Variants in EIF3E observed in about 807,000 individuals in gnomAD.
EIF3E encodes the protein eukaryotic translation initiation factor 3 subunit E.
EIF3E carries 25 observed loss-of-function variants against 59.3 expected under a neutral mutation model. That is an observed-to-expected ratio of 0.42 (90% CI 0.31 to 0.59). The LOEUF is 0.59. EIF3E is among the 20% of genes least tolerant of loss of function. The pLI is 0.15. For synonymous variants in EIF3E, 176 were observed against 170.2 expected, an observed-to-expected ratio of 1.03 and a Z score of -0.26; for missense variants, 317 against 534.3, an observed-to-expected ratio of 0.59 and a Z score of 4.01.
chr8:108,243,049 C>T (rs1204461914), intron 1 of EIF3E, among the ~76,000 whole-genome samples: 1 of 152,086 alleles, frequency 6.6e-6, no homozygotes, highest in South Asian at 2.1e-4. Flanking sequence ...TACACAGGAG[C>T]ACTATTTGTA....
In EIF3E at chr8:108,201,758, T is replaced by G. The variant is rs1814999459; in HGVS notation, c.*127A>C. 4 of 797,526 alleles carry G rather than the reference T, an allele frequency of 5.0e-6. No homozygotes were observed. The East Asian group carries it at 1.3e-4, about 26-fold the overall frequency. The allele number at this position is 797,526 out of a possible 1,614,324, so 49.4% of individuals were successfully genotyped here. On this transcript the variant is annotated 3_prime_UTR_variant, in exon 13 of 13. Coordinates refer to ENST00000220849, the MANE Select transcript of EIF3E (RefSeq NM_001568.3). ...GACAGCAAGATAAAATGAATCAATTTTATTCCAATTCTTCAAAATTTATAC... is the reference window on the plus strand; with the variant it reads ...GACAGCAAGATAAAATGAATCAATTGTATTCCAATTCTTCAAAATTTATAC...
intron 7 of EIF3E, among the ~76,000 whole-genome samples, chr8:108,219,655 T>G (rs1424891928): frequency 1.3e-5 from 2 of 150,682 alleles, no homozygotes; most frequent in African/African-American, 4.9e-5. Flanking sequence ...GTGAGAGGAC[T>G]GCTTGAGCCC....
intron 1 of EIF3E, among the ~76,000 whole-genome samples, chr8:108,247,834 T>C (rs916206871): frequency 1.3e-5 from 2 of 152,248 alleles, no homozygotes; most frequent in African/African-American, 4.8e-5. Context: ...GTCAATTTTC[T>C]TTTAGCCAAA....
intron 7 of EIF3E, among the ~76,000 whole-genome samples, chr8:108,222,095 T>A (rs1367271861): frequency 2.0e-5 from 3 of 152,064 alleles, no homozygotes; most frequent in Non-Finnish European, 4.4e-5. Flanking sequence ...TAGGCTGGAG[T>A]GCAGTGTTAC....
rs1315509381 is a variant in EIF3E at position 108,240,013 on chromosome 8, G to A, written c.268C>T (p.Pro90Ser). ...QLKQLQAETEPIVKMFEDPET... is the reference protein window; with the variant it reads ...QLKQLQAETESIVKMFEDPET... Reference sequence around the variant, plus strand: ...GGATCTTCAAACATCTTCACAATTGGTTCTGTTTCTGCCTGAAGCTGTTTC... The same window carrying A: ...GGATCTTCAAACATCTTCACAATTGATTCTGTTTCTGCCTGAAGCTGTTTC... Residue 90 changes from proline (P) to serine (S), a missense_variant, in exon 3 of 13, where the codon CCA becomes TCA. This residue lies in a region of EIF3E where 242 missense variants were observed against 398.0 expected (regional missense o/e 0.61). Transcript: ENST00000220849. 6.2e-7 allele frequency: 1 copy of A among 1,613,992 alleles called. No homozygotes were observed. Among genetic ancestry groups the A allele is most frequent in the South Asian group, 1.1e-5 (1 of 91,074 alleles).
At chr8:108,247,190 A>C (rs555839811) in intron 1 of EIF3E, among the ~76,000 whole-genome samples, 1 of 152,292 alleles carries the variant, frequency 6.6e-6, no homozygotes, top group Non-Finnish European at 1.5e-5. Context: ...CCCTATGAAA[A>C]TCTAATTCAC....
intron 1 of EIF3E, chr8:108,242,265 C>T: frequency 7.7e-7 from 1 of 1,292,506 alleles, no homozygotes; most frequent in South Asian, 1.2e-5. Flanking sequence ...TCCTGTAAAG[C>T]ACATATAGCT....
chr8:108,222,779 G>A (rs1210288276), intron 7 of EIF3E, among the ~76,000 whole-genome samples: 1 of 147,842 alleles, frequency 6.8e-6, no homozygotes, highest in Non-Finnish European at 1.5e-5. Flanking sequence ...ATTCTAAGCT[G>A]TGTAATAGCA....
intron 7 of EIF3E, among the ~76,000 whole-genome samples, chr8:108,220,011 C>T (rs1274205304): frequency 6.6e-6 from 1 of 151,958 alleles, no homozygotes; most frequent in African/African-American, 2.4e-5. Context: ...GGTGTGGAGG[C>T]AGGCACCTGT....
chr8:108,212,777 A>G (rs1815236085), intron 10 of EIF3E, among the ~76,000 whole-genome samples: 1 of 151,180 alleles, frequency 6.6e-6, no homozygotes, highest in Non-Finnish European at 1.5e-5. Context: ...ACCCAAGCCT[A>G]GGCAACAGTG....
Position 108,217,370 on chromosome 8 carries a change from C to T in EIF3E, c.813G>A (p.Arg271=), listed in dbSNP as rs936856066. Reference sequence around the variant, plus strand: ...CTTTAACTAGATCTTTTAGAACCTGCCGACGTTTTCGAACATCCTTGTTTG... The same window carrying T: ...CTTTAACTAGATCTTTTAGAACCTGTCGACGTTTTCGAACATCCTTGTTTG... ...VITNKDVRKR[R]QVLKDLVKVI... Residue 271 remains arginine, a synonymous_variant, in exon 8 of 13, where the codon CGG becomes CGA. Coordinates refer to ENST00000220849, the MANE Select transcript of EIF3E (RefSeq NM_001568.3). The T allele has an allele frequency of 1.3e-6, 2 of 1,581,816 alleles. No homozygotes were observed. Among genetic ancestry groups the T allele is most frequent in the African/African-American group, 1.4e-5 (1 of 73,952 alleles).
chr8:108,210,042 CTT>C (rs34870098), intron 10 of EIF3E, among the ~76,000 whole-genome samples: 93 of 145,820 alleles, frequency 6.4e-4, no homozygotes, highest in Admixed American at 1.0e-3. Flanking sequence ...AACAGTTTAA[CTT>C]TTTTTTTTTT....
intron 10 of EIF3E, among the ~76,000 whole-genome samples, chr8:108,205,922 A>G (rs71524759): frequency 0.044 from 6,634 of 152,258 alleles, 253 homozygotes; most frequent in African/African-American, 0.1. Flanking sequence ...ATGTGTGCAC[A>G]GGGAAAAACC....
chr8:108,214,991 G>A (rs1815274906), intron 9 of EIF3E, among the ~76,000 whole-genome samples: 1 of 152,136 alleles, frequency 6.6e-6, no homozygotes, highest in South Asian at 2.1e-4. Context: ...CTACATAAAT[G>A]CTCTGCAGAT....
At position 108,203,001 on chromosome 8, in the gene EIF3E, A is replaced by G. The variant is rs771671969; in HGVS notation, c.1281T>C (p.Asn427=). 6.2e-7 allele frequency: 1 copy of G among 1,612,448 alleles called. No individual in the cohort carries two copies. Among genetic ancestry groups the G allele is most frequent in the Non-Finnish European group, 8.5e-7 (1 of 1,178,928 alleles). ...MLAMNIEKKL[N]QNSRSEAPNW... ...TTCTTACCTCTGACCTGCTATTCTG[A>G]TTAAGTTTCTTCTCAATATTCATGG... The change falls in exon 12 of 13, where the codon AAT becomes AAC. Residue 427 remains asparagine, a synonymous_variant. Coordinates refer to ENST00000220849, the MANE Select transcript of EIF3E (RefSeq NM_001568.3).
At chr8:108,220,394 C>G (rs1327110626) in intron 7 of EIF3E, among the ~76,000 whole-genome samples, 1 of 152,208 alleles carries the variant, frequency 6.6e-6, no homozygotes, top group African/African-American at 2.4e-5. Flanking sequence ...CTTTCTGCAA[C>G]TATAATTTGA....
At chr8:108,219,938 T>C (rs1392558454) in intron 7 of EIF3E, among the ~76,000 whole-genome samples, 1 of 151,734 alleles carries the variant, frequency 6.6e-6, no homozygotes, top group Admixed American at 6.6e-5. Context: ...AGGTCAGGAG[T>C]TTGACATCAG....
chr8:108,235,108 A>G lies in EIF3E; in HGVS notation c.367-6T>C. The G allele has an allele frequency of 6.6e-7, 1 of 1,514,328 alleles. No homozygotes were observed. Among genetic ancestry groups the G allele is most frequent in the Non-Finnish European group, 8.9e-7 (1 of 1,123,812 alleles). 93.8% of individuals were successfully genotyped at this position (1,514,328 alleles called of 1,614,324 possible). A position where few individuals can be genotyped will look rare whatever the true frequency, so the allele number is the denominator to read the frequency against. On this transcript the variant is annotated splice_region_variant and splice_polypyrimidine_tract_variant and intron_variant, in intron 4 of 12. Coordinates refer to ENST00000220849, the MANE Select transcript of EIF3E (RefSeq NM_001568.3). Reference sequence around the variant, plus strand: ...TCTAAATATTCCTGCCTAAACTAAAAAGAAAAAAAAAAGATTAAGTTCTCT... The same window carrying G: ...TCTAAATATTCCTGCCTAAACTAAAGAGAAAAAAAAAAGATTAAGTTCTCT...
chr8:108,238,561 T>C (rs1399694106), intron 3 of EIF3E, among the ~76,000 whole-genome samples: 5 of 152,224 alleles, frequency 3.3e-5, no homozygotes, highest in Non-Finnish European at 1.5e-5. Flanking sequence ...TTTCTTTCCC[T>C]GAATATTTTC....
Sources: gnomAD v4.1 joint callset for allele counts (sites outside exome capture counted in the v4.1 genomes callset) on GRCh38, gnomAD v4.1.1 for gene constraint, gnomAD v4.1.1 regional missense constraint, MANE v1.5 for transcripts, NCBI Gene and HGNC (gene_info 2026-07-23, HGNC 2026-07-21) for gene names.